KRABD4: variants seen among roughly 807,000 people sequenced by gnomAD.
KRABD4 encodes KRAB domain-containing protein 4.
chrX:46,471,776 G>A, the KRABD4 span, among the ~76,000 whole-genome samples: 4 of 112,140 alleles, frequency 3.6e-5, no homozygotes, highest in Non-Finnish European at 7.5e-5. Flanking sequence ...ATGCGTTTAA[G>A]TTTCCTCCAT....
At chrX:46,461,778 C>T in the KRABD4 span, among the ~76,000 whole-genome samples, 144 of 111,729 alleles carry the variant, frequency 1.3e-3, no homozygotes, top group Non-Finnish European at 2.1e-3. Context: ...GATTGATTAG[C>T]TATGTTTAGA....
the KRABD4 span, among the ~76,000 whole-genome samples, chrX:46,464,008 G>A: frequency 5.8e-5 from 6 of 103,979 alleles, no homozygotes; most frequent in Admixed American, 1.1e-4. Context: ...TTTTCAATAC[G>A]TCCTTCCTAC....
the KRABD4 span, among the ~76,000 whole-genome samples, chrX:46,469,252 G>A: frequency 8.9e-6 from 1 of 111,993 alleles, no homozygotes; most frequent in South Asian, 3.6e-4. Flanking sequence ...AGCCTGCAGG[G>A]GATTTTGACA....
At chrX:46,461,493 C>T in the KRABD4 span, among the ~76,000 whole-genome samples, 12 of 111,562 alleles carry the variant, frequency 1.1e-4, no homozygotes, top group Non-Finnish European at 2.3e-4. Context: ...GCTTTCCTGC[C>T]CCTCTCCTGC....
At chrX:46,456,175 G>C in the KRABD4 span, 1 of 163,966 alleles carries the variant, frequency 6.1e-6, no homozygotes, top group South Asian at 1.5e-4. Flanking sequence ...TTGCTGCTTG[G>C]AAGTTCTGTA....
the KRABD4 span, among the ~76,000 whole-genome samples, chrX:46,448,948 C>G: frequency 1.8e-5 from 2 of 112,341 alleles, no homozygotes; most frequent in Non-Finnish European, 3.8e-5. Flanking sequence ...CAAGTAGTCT[C>G]TAGGTACGCT....
At chrX:46,459,029 G>A in the KRABD4 span, among the ~76,000 whole-genome samples, 1 of 111,952 alleles carries the variant, frequency 8.9e-6, no homozygotes, top group Non-Finnish European at 1.9e-5. Flanking sequence ...CATAGTAGGA[G>A]CAGCCGGGCA....
the KRABD4 span, chrX:46,456,906 C>T: frequency 1.2e-5 from 4 of 325,078 alleles, no homozygotes; most frequent in Admixed American, 5.2e-5. Context: ...TTTCTTACTG[C>T]GCTGAGAAAA....
At chrX:46,464,067 A>AC in the KRABD4 span, among the ~76,000 whole-genome samples, 14 of 104,642 alleles carry the variant, frequency 1.3e-4, no homozygotes, top group Non-Finnish European at 2.8e-4. Context: ...AAAAAAAAAA[A>AC]CACACTTGAG....
At chrX:46,455,417 T>A in the KRABD4 span, 5 of 451,900 alleles carry the variant, frequency 1.1e-5, no homozygotes, top group Non-Finnish European at 2.0e-5. Flanking sequence ...GTAGGCTGCA[T>A]CAAAGTTACC....
chrX:46,452,205 G>A, the KRABD4 span, among the ~76,000 whole-genome samples: 22 of 110,220 alleles, frequency 2.0e-4, no homozygotes, highest in Non-Finnish European at 4.2e-4. Context: ...ACAATCACTC[G>A]TTTTCTCCTG....
At chrX:46,470,764 C>T in the KRABD4 span, among the ~76,000 whole-genome samples, 2 of 110,821 alleles carry the variant, frequency 1.8e-5, no homozygotes, top group African/African-American at 3.3e-5. Context: ...GTTTCAAATT[C>T]CCCTTAAGAC....
the KRABD4 span, among the ~76,000 whole-genome samples, chrX:46,450,247 G>A: frequency 8.9e-6 from 1 of 111,828 alleles, no homozygotes; most frequent in Non-Finnish European, 1.9e-5. Flanking sequence ...TCCAGTAAGG[G>A]AAACAAAATT....
the KRABD4 span, among the ~76,000 whole-genome samples, chrX:46,452,746 T>A: frequency 1.8e-5 from 2 of 112,168 alleles, no homozygotes; most frequent in African/African-American, 6.5e-5. Context: ...AGGTCAAAGT[T>A]TATACATCTT....
chrX:46,456,294 A>C, the KRABD4 span: 1 of 107,297 alleles, frequency 9.3e-6, no homozygotes, highest in Non-Finnish European at 1.9e-5. Context: ...TGTATTATTA[A>C]ATTATTATAT....
chrX:46,454,227 G>T, the KRABD4 span: 1 of 162,985 alleles, frequency 6.1e-6, no homozygotes, highest in South Asian at 1.5e-4. Context: ...AAAATTCAGT[G>T]ACAGCTGTAG....
chrX:46,468,325 A>G, the KRABD4 span, among the ~76,000 whole-genome samples: 5 of 110,952 alleles, frequency 4.5e-5, no homozygotes, highest in Admixed American at 4.8e-4. Flanking sequence ...CCTTGAGCCC[A>G]GGAGATCAAG....
the KRABD4 span, among the ~76,000 whole-genome samples, chrX:46,467,274 C>T: frequency 6.6e-3 from 731 of 111,588 alleles, 4 homozygotes; most frequent in Non-Finnish European, 9.2e-3. Context: ...GACATTGGGC[C>T]GGGTGTGGTG....
chrX:46,473,604 G>T, the KRABD4 span: 1 of 424,677 alleles, frequency 2.4e-6, no homozygotes, highest in Non-Finnish European at 4.0e-6. Flanking sequence ...ATAGTGTGAT[G>T]AAATTTTGCA....
Sources: allele counts gnomAD v4.1 joint callset (sites outside exome capture counted in the v4.1 genomes callset), GRCh38; gene constraint gnomAD v4.1.1; transcripts MANE v1.5; gene names NCBI Gene and HGNC (gene_info 2026-07-23, HGNC 2026-07-21).